The following SANBR variants were observed in gnomAD, a reference collection of about 807,000 sequenced individuals.
The protein encoded by SANBR is SANT and BTB domain regulator of class switch recombination.
SANBR carries 77 observed loss-of-function variants against 101.8 expected under a neutral mutation model. The ratio of observed to expected loss-of-function variants is 0.76; its 90% CI spans 0.63 to 0.91. SANBR has a LOEUF of 0.91. SANBR is among the 40% of genes least tolerant of loss of function. SANBR has a pLI of 0.00. For missense variants in SANBR, 875 were observed against 853.0 expected, an observed-to-expected ratio of 1.03 and a Z score of -0.32; for synonymous variants, 279 against 274.7, an observed-to-expected ratio of 1.02 and a Z score of -0.15.
intron 12 of SANBR, among the ~76,000 whole-genome samples, chr2:61,103,646 A>T (rs1683401582): frequency 6.6e-6 from 1 of 152,092 alleles, no homozygotes; most frequent in South Asian, 2.1e-4. Context: ...CTTAATGTGG[A>T]TTGTGATTAT....
chr2:61,088,231 A>G lies in SANBR; in HGVS notation c.963A>G (p.Ala321=). ...EYLNPDSRSN[A]ATLYRCCLCK... is the part of the protein sequence containing the mutation. ...TGAATCCAGATTCTCGGAGTAATGC[A>G]GCAACATTGTATAGGTATGCTAACA... is the stretch of plus-strand genomic sequence containing the variant. The change falls in exon 9 of 22, where the codon GCA becomes GCG. Residue 321 remains alanine, a synonymous_variant. Coordinates refer to ENST00000402291, the MANE Select transcript of SANBR (RefSeq NM_001129993.3). 6.2e-7 allele frequency: 1 copy of G among 1,608,998 alleles called. No individual in the cohort carries two copies. Among genetic ancestry groups the G allele is most frequent in the Non-Finnish European group, 8.5e-7 (1 of 1,177,612 alleles).
intron 20 of SANBR, among the ~76,000 whole-genome samples, chr2:61,130,747 C>T (rs1573684298): frequency 6.6e-6 from 1 of 151,004 alleles, no homozygotes; most frequent in Non-Finnish European, 1.5e-5. Context: ...AGGAGTTCGA[C>T]ACCAGCCTGG....
chr2:61,096,383 T>G (rs929919258), intron 11 of SANBR, among the ~76,000 whole-genome samples: 2 of 152,138 alleles, frequency 1.3e-5, no homozygotes, highest in Admixed American at 6.5e-5. Context: ...ATTTTACCAC[T>G]CAGAGCCTCA....
chr2:61,109,677 G>GTTTTTTTTTTTTTTTTTTTTTTTTTT (rs1363427197), intron 16 of SANBR, among the ~76,000 whole-genome samples: 3 of 109,494 alleles, frequency 2.7e-5, no homozygotes, highest in Non-Finnish European at 5.8e-5. Context: ...TTTTTTTTGT[G>GTTTTTTTTTTTTTTTTTTTTTTTTTT]TTTGTTTTTT....
intron 8 of SANBR, among the ~76,000 whole-genome samples, chr2:61,085,056 T>C (rs1269805447): frequency 6.6e-6 from 1 of 152,142 alleles, no homozygotes; most frequent in Non-Finnish European, 1.5e-5. Flanking sequence ...TTAGTTCTTT[T>C]TGAGATTATT....
chr2:61,136,076 G>A (rs554032592), intron 21 of SANBR, among the ~76,000 whole-genome samples: 8 of 152,268 alleles, frequency 5.3e-5, no homozygotes, highest in Admixed American at 3.9e-4. Context: ...AGGCCGAGGC[G>A]GGCGGATCAC....
chr2:61,069,146 AATT>A (rs1042180181), intron 2 of SANBR, among the ~76,000 whole-genome samples, 161 bp downstream of exon 2: 2 of 152,206 alleles, frequency 1.3e-5, no homozygotes, highest in African/African-American at 4.8e-5. Context: ...ACATAGTACT[AATT>A]ATAATTAACA....
chr2:61,080,511 A>G (rs1682057643), intron 6 of SANBR, among the ~76,000 whole-genome samples: 1 of 152,158 alleles, frequency 6.6e-6, no homozygotes, highest in Non-Finnish European at 1.5e-5. Context: ...TCACGAGGTG[A>G]AGAGATGGAG....
chr2:61,126,613 C>G (rs1684520653), downstream of SANBR, among the ~76,000 whole-genome samples: 3 of 151,968 alleles, frequency 2.0e-5, no homozygotes, highest in Admixed American at 2.0e-4. Flanking sequence ...CCAGCCTGAC[C>G]AACATGGCAA....
chr2:61,136,714 G>A (rs1684860888), intron 21 of SANBR, among the ~76,000 whole-genome samples: 1 of 151,712 alleles, frequency 6.6e-6, no homozygotes, highest in African/African-American at 2.4e-5. Flanking sequence ...GCTCATGCCT[G>A]TAATCCCAGC....
chr2:61,127,265 C>A (rs544615571), downstream of SANBR, among the ~76,000 whole-genome samples: 1 of 152,308 alleles, frequency 6.6e-6, no homozygotes, highest in Admixed American at 6.5e-5. Flanking sequence ...AATATCTGGA[C>A]TGTCCCCAGC....
chr2:61,090,488 T>G (rs930006479), intron 10 of SANBR: 7 of 152,136 alleles, frequency 4.6e-5, no homozygotes, highest in African/African-American at 1.7e-4. Context: ...GAGACAGTCT[T>G]TGTTGCTCAG....
At chr2:61,090,724 G>GTGTGTGTGTGTA (rs1468039231) in intron 10 of SANBR, 1 of 152,578 alleles carries the variant, frequency 6.6e-6, no homozygotes, top group Non-Finnish European at 1.4e-5. Context: ...GGGTTTGTGT[G>GTGTGTGTGTGTA]TGTGTGTGTG....
chr2:61,134,838 G>A (rs1169386325), intron 21 of SANBR, among the ~76,000 whole-genome samples: 2 of 152,070 alleles, frequency 1.3e-5, no homozygotes, highest in Admixed American at 1.3e-4. Flanking sequence ...AGGTTGCAGT[G>A]AGCTGAGATC....
chr2:61,094,735 C>G (rs1191383693), intron 11 of SANBR, among the ~76,000 whole-genome samples: 1 of 151,226 alleles, frequency 6.6e-6, no homozygotes, highest in East Asian at 1.9e-4. Flanking sequence ...CCTCCACCTC[C>G]CAGGTTCAAG....
At chr2:61,113,251 C>G (rs1047270862) in intron 16 of SANBR, among the ~76,000 whole-genome samples, 3 of 152,112 alleles carry the variant, frequency 2.0e-5, no homozygotes, top group African/African-American at 7.2e-5. Context: ...AGTCTTGAAA[C>G]CTGGTGGTGT....
intron 16 of SANBR, among the ~76,000 whole-genome samples, chr2:61,113,447 C>T (rs749022940): frequency 2.0e-5 from 3 of 152,120 alleles, no homozygotes; most frequent in Non-Finnish European, 2.9e-5. Context: ...GGCAGTTCTT[C>T]CCATCCATGA....
intron 16 of SANBR, among the ~76,000 whole-genome samples, chr2:61,114,841 G>C (rs1304985678): frequency 6.6e-6 from 1 of 152,040 alleles, no homozygotes; most frequent in African/African-American, 2.4e-5. Flanking sequence ...ATTTTTTGTA[G>C]AGACAAGGTC....
At chr2:61,134,123 C>T (rs763485958) in intron 20 of SANBR, 3 of 1,613,772 alleles carry the variant, frequency 1.9e-6, no homozygotes, top group African/African-American at 1.3e-5. Flanking sequence ...GTGTTATTAT[C>T]TGCTTTTTTA....
Sources: gnomAD v4.1 joint callset for allele counts (sites outside exome capture counted in the v4.1 genomes callset) on GRCh38, gnomAD v4.1.1 for gene constraint, MANE v1.5 for transcripts, NCBI Gene and HGNC (gene_info 2026-07-23, HGNC 2026-07-21) for gene names.